The following COL6A3 variants were observed in gnomAD, a reference collection of about 807,000 sequenced individuals.
COL6A3 encodes collagen type VI alpha 3 chain, also known as collagen alpha-3(VI) chain.
In COL6A3, 137 loss-of-function variants were observed where a neutral mutation model predicts 274.1. The ratio of observed to expected loss-of-function variants is 0.50; its 90% CI spans 0.44 to 0.58. COL6A3 has a LOEUF of 0.58. Ranked by LOEUF, COL6A3 falls within the 20% of genes least tolerant of loss-of-function variation. The pLI is 0.00. For synonymous variants in COL6A3, 1,650 were observed against 1,650.6 expected, an observed-to-expected ratio of 1.00 and a Z score of 0.01; for missense variants, 3,950 against 4,124.9, an observed-to-expected ratio of 0.96 and a Z score of 1.16.
chr2:237,350,038 A>C, intron 28 of COL6A3, 109 bp downstream of exon 28: 2 of 1,040,424 alleles, frequency 1.9e-6, no homozygotes, highest in South Asian at 2.5e-5. Context: ...CCGTATCCCC[A>C]ATAATACAAG....
rs2106361745 is a variant in COL6A3 at position 237,374,990 on chromosome 2, A to G, written c.3101T>C (p.Leu1034Pro). The G allele has an allele frequency of 1.2e-6, 2 of 1,613,988 alleles. No individual in the cohort carries two copies. Among genetic ancestry groups the G allele is most frequent in the Non-Finnish European group, 1.7e-6 (2 of 1,180,020 alleles). The change falls in exon 8 of 44, where the codon CTT (leucine) becomes CCT (proline). Residue 1034 changes from leucine (L) to proline (P), a missense_variant. Around this residue, in one of 5 missense-constraint regions of COL6A3, gnomAD observed 1,934 missense variants for 1,984.3 expected, o/e 0.97. Coordinates refer to ENST00000295550, the MANE Select transcript of COL6A3 (RefSeq NM_004369.4). The surrounding 1 kb of genome is among the most constrained non-coding windows in gnomAD (Gnocchi z 4.8). ...GCTCCTGACGCCCTCAGAGCCATCA[A>G]GCAGAAACACCACGTCCTTTTCACC... ...VSGEKDVVFL[L>P]DGSEGVRSGF...
chr2:237,339,987 G>GC (rs1237576300), intron 38 of COL6A3, among the ~76,000 whole-genome samples: 1 of 152,160 alleles, frequency 6.6e-6, no homozygotes, highest in Non-Finnish European at 1.5e-5. Flanking sequence ...GGGAGGGGGA[G>GC]CCCCATGAGC....
At position 237,387,870 on chromosome 2, in the gene COL6A3, C is replaced by T. The variant is rs111402193; in HGVS notation, c.1024G>A (p.Val342Met). ...NHFTRAGGSR[V>M]EEGVPQVLVL... ...AGCACCTGGGGAACCCCTTCCTCCA[C>T]GCGGCTGCCCCCTGCCCGGGTGAAG... The change falls in exon 4 of 44, where the codon GTG becomes ATG. Residue 342 changes from valine to methionine, a missense_variant. Val to Met is a conservative substitution (Grantham distance 21). Transcript: ENST00000295550. 1,021 of 1,614,116 alleles carry T rather than the reference C, an allele frequency of 6.3e-4. 9 individuals are homozygous for T. In the Middle Eastern group the frequency reaches 0.014, roughly 22 times the overall value.
In COL6A3 at chr2:237,357,821, G is replaced by T; in HGVS notation, c.6533C>A (p.Pro2178His). Residue 2178 changes from proline to histidine, a missense_variant, in exon 22 of 44, where the codon CCC (proline) becomes CAC (histidine). Physicochemically the swap from Pro to His is moderately conservative, Grantham distance 77. Coordinates refer to ENST00000295550, the MANE Select transcript of COL6A3 (RefSeq NM_004369.4). ...TAGGAATGTGCAGCACCTTACCATG[G>T]GGCCGAGGTCACCGGTTTCTCCTTT... ...GPKGETGDLG[P>H]MGVPGRDGVP... 1 of 1,614,040 alleles carries T rather than the reference G, an allele frequency of 6.2e-7. No homozygotes were observed.
At position 237,361,334 on chromosome 2, in the gene COL6A3, CTCTA is replaced by C; in HGVS notation, c.6157-164_6157-161del. ...CCTCAGTACACCATGTCACGATTCT[CTCTA>C]TCAGGATCTCTAAGGCTCCTGCTCT... On this transcript the variant is annotated intron_variant, in intron 15 of 43. Coordinates refer to ENST00000295550, the MANE Select transcript of COL6A3 (RefSeq NM_004369.4). The surrounding 1 kb of genome is among the most constrained non-coding windows in gnomAD (Gnocchi z 5.1). Among the ~76,000 whole-genome samples, 1 of 152,310 alleles carries C rather than the reference CTCTA, an allele frequency of 6.6e-6. No homozygotes were observed. The highest frequency in any genetic ancestry group is 2.4e-5 in the African/African-American group (1 of 41,578).
At position 237,359,343 on chromosome 2, in the gene COL6A3, C is replaced by G. The variant is rs1168268155; in HGVS notation, c.6309+19G>C. The G allele has an allele frequency of 6.2e-7, 1 of 1,614,184 alleles. No homozygotes were observed. Among genetic ancestry groups the G allele is most frequent in the Non-Finnish European group, 8.5e-7 (1 of 1,180,036 alleles). ...CTGGGAGAGTTTTCCATTTGTAAAA[C>G]AAAACCAAGCTTGCATACCTTCTCT... On this transcript the variant is annotated intron_variant, in intron 18 of 43. Coordinates refer to ENST00000295550, the MANE Select transcript of COL6A3 (RefSeq NM_004369.4).
In COL6A3 at chr2:237,366,673, A is replaced by T. The variant is rs377461673; in HGVS notation, c.5500+14T>A. 4 of 1,614,132 alleles carry T rather than the reference A, an allele frequency of 2.5e-6. No homozygotes were observed. The highest frequency in any genetic ancestry group is 3.4e-6 in the Non-Finnish European group (4 of 1,180,060). ...ACAGGAAAGGATGGAAAATATGCAC[A>T]TAATGGGAGTTACCTTTGGCAGCAT... On this transcript the variant is annotated intron_variant, in intron 11 of 43. Coordinates refer to ENST00000295550, the MANE Select transcript of COL6A3 (RefSeq NM_004369.4).
At position 237,346,569 on chromosome 2, in the gene COL6A3, G is replaced by C. The variant is rs886042395; in HGVS notation, c.7030-4C>G. 6.2e-7 allele frequency: 1 copy of C among 1,613,098 alleles called. No individual in the cohort carries two copies. Among genetic ancestry groups the C allele is most frequent in the Non-Finnish European group, 8.5e-7 (1 of 1,179,130 alleles). ...TCCCTGGAGGTCCCGAATTTCCCTA[G>C]AGGGAGCAGAACAAACATTGTTCAA... On this transcript the variant is annotated splice_polypyrimidine_tract_variant and splice_region_variant and intron_variant, in intron 31 of 43. Coordinates refer to ENST00000295550, the MANE Select transcript of COL6A3 (RefSeq NM_004369.4).
At chr2:237,389,290 T>C (rs900153284) in intron 3 of COL6A3, among the ~76,000 whole-genome samples, 7 of 152,192 alleles carry the variant, frequency 4.6e-5, no homozygotes, top group African/African-American at 1.4e-4. Context: ...TTTGGCTGAT[T>C]TAAACTCAAG....
intron 37 of COL6A3, 88 bp downstream of exon 37, chr2:237,341,977 C>A: frequency 8.9e-7 from 1 of 1,120,670 alleles, no homozygotes; most frequent in Non-Finnish European, 1.3e-6. Context: ...GCTCTTTTTA[C>A]AGATCATCAT....
intron 31 of COL6A3, among the ~76,000 whole-genome samples, chr2:237,347,432 C>A (rs1574953238): frequency 6.6e-6 from 1 of 152,240 alleles, no homozygotes; most frequent in South Asian, 2.1e-4. Flanking sequence ...GCTTCAGAAG[C>A]AGTTGCCATG....
At chr2:237,349,679 G>A (rs1214401613) in intron 28 of COL6A3, among the ~76,000 whole-genome samples, 2 of 152,168 alleles carry the variant, frequency 1.3e-5, no homozygotes, top group African/African-American at 2.4e-5. Context: ...TTTTTAAATA[G>A]CATTTAAAAA....
At position 237,332,301 on chromosome 2, in the gene COL6A3, C is replaced by T. The variant is rs558966269; in HGVS notation, c.9328+1149G>A. On this transcript the variant is annotated intron_variant, in intron 42 of 43. Coordinates refer to ENST00000295550, the MANE Select transcript of COL6A3 (RefSeq NM_004369.4). ...CTCTGATCTCTAGTTTACTCCAAGT[C>T]TTTTTCTCTCAATGAAGCACTAAAT... Among the ~76,000 whole-genome samples, 5 of 151,520 alleles carry T rather than the reference C, an allele frequency of 3.3e-5. No individual in the cohort carries two copies. The East Asian group carries it at 9.8e-4, about 30-fold the overall frequency.
At position 237,352,525 on chromosome 2, in the gene COL6A3, A is replaced by T; in HGVS notation, c.6750T>A (p.Pro2250=). 6.2e-7 allele frequency: 1 copy of T among 1,612,052 alleles called. No individual in the cohort carries two copies. The highest frequency in any genetic ancestry group is 1.1e-5 in the South Asian group (1 of 90,226). Residue 2250 remains proline, a synonymous_variant, in exon 26 of 44, where the codon CCT becomes CCA. Coordinates refer to ENST00000295550, the MANE Select transcript of COL6A3 (RefSeq NM_004369.4). ...GCTGGTATTAGGACAGGCTTACCCG[A>T]GGTCCAGAAATGCCTTGTTCTCCTA... is the stretch of plus-strand genomic sequence containing the variant. ...GLIGEQGISG[P]RGSGGAAGAP... is the part of the protein sequence containing the mutation.
Position 237,372,880 on chromosome 2 carries a change from C to T in COL6A3, c.3680-543G>A, listed in dbSNP as rs560897968. Reference sequence around the variant, plus strand: ...TGCATTTTATCATGGATGGAACCATCCAGCACAGTGGAGAAAGGGTGACAC... The same window carrying T: ...TGCATTTTATCATGGATGGAACCATTCAGCACAGTGGAGAAAGGGTGACAC... On this transcript the variant is annotated intron_variant, in intron 8 of 43. Transcript: ENST00000295550. Among the ~76,000 whole-genome samples the T allele has an allele frequency of 2.6e-5, 4 of 152,232 alleles. No individual in the cohort carries two copies. The South Asian group carries it at 8.3e-4, about 32-fold the overall frequency.
rs1469333199 is a variant in COL6A3, at chr2:237,364,145, G to A, written c.5917+205C>T. Among the ~76,000 whole-genome samples the A allele has an allele frequency of 6.6e-6, 1 of 152,168 alleles. No homozygotes were observed. Among genetic ancestry groups the A allele is most frequent in the Admixed American group, 6.5e-5 (1 of 15,278 alleles). On this transcript the variant is annotated intron_variant, in intron 13 of 43. Transcript: ENST00000295550. This position sits in a 1 kb window ranked among gnomAD's most constrained non-coding sequence, Gnocchi z 4.6. ...ACAGCCACAACACAACAGTAAAGCT[G>A]TCTAAGTACAGAAGGAATTTTTGTT...
intron 21 of COL6A3, 28 bp downstream of exon 21, chr2:237,358,493 C>G (rs2077365736): frequency 6.3e-7 from 1 of 1,597,960 alleles, no homozygotes; most frequent in Non-Finnish European, 8.6e-7. Context: ...AGGCTCAGGT[C>G]TGAAATCGTC....
chr2:237,402,993 G>A (rs1200446487), intron 1 of COL6A3, among the ~76,000 whole-genome samples: 1 of 152,214 alleles, frequency 6.6e-6, no homozygotes, highest in African/African-American at 2.4e-5. Context: ...GCAGAGGAGA[G>A]TCTGTCCGGC....
intron 39 of COL6A3, among the ~76,000 whole-genome samples, chr2:237,337,861 A>T (rs969739523): frequency 1.3e-5 from 2 of 149,134 alleles, no homozygotes; most frequent in Admixed American, 6.6e-5. Flanking sequence ...TGGGTGCCAC[A>T]GTCCTGCCCA....
Sources: gnomAD v4.1 joint callset for allele counts (sites outside exome capture counted in the v4.1 genomes callset) on GRCh38, gnomAD v4.1.1 for gene constraint, gnomAD v4.1.1 regional missense constraint, Gnocchi (gnomAD v3.1) non-coding constraint, MANE v1.5 for transcripts, NCBI Gene and HGNC (gene_info 2026-07-23, HGNC 2026-07-21) for gene names.